Variants in PPME1 observed in about 807,000 individuals in gnomAD.
The protein encoded by PPME1 is testicular secretory protein Li 39.
A neutral mutation model predicts 56.9 loss-of-function variants in PPME1; 17 were observed. That is an observed-to-expected ratio of 0.30 (90% CI 0.20 to 0.45). PPME1 has a LOEUF of 0.45. Among genes scored for constraint, PPME1 ranks in the 20% least tolerant of loss-of-function variants. The pLI is 1.00. For synonymous variants in PPME1, 122 were observed against 156.2 expected (o/e 0.78, Z 1.63); for missense variants, 357 against 483.2 (o/e 0.74, Z 2.45).
chr11:74,248,272 C>T (rs1191749325), intron 11 of PPME1: 8 of 152,208 alleles, frequency 5.3e-5, no homozygotes, highest in South Asian at 2.1e-4. Flanking sequence ...CTGTTCTAGA[C>T]CTTTCTTCCC....
rs200531037 is a variant in PPME1, at chr11:74,253,493, G to A, written c.1144G>A (p.Val382Met). ...FAEPIGGFQCVFPGC is the reference protein window; with the variant it reads ...FAEPIGGFQCMFPGC ...CCTTCTCTTTCTGTTCTTCCACAGT[G>A]TGTTTCCTGGCTGTTAGTGACCTGC... The change falls in exon 14 of 14, where the codon GTG (valine) becomes ATG (methionine). Residue 382 changes from valine (V) to methionine (M), a missense_variant and splice_region_variant. By Grantham distance (21) the Val-to-Met change is conservative (BLOSUM62 1). Around this residue, in one of 2 missense-constraint regions of PPME1, gnomAD observed 182 missense variants for 293.8 expected, o/e 0.62. Transcript: ENST00000328257. 27 of 1,607,626 alleles carry A rather than the reference G, an allele frequency of 1.7e-5. No homozygotes were observed. In the African/African-American group the frequency reaches 3.3e-4, roughly 20 times the overall value.
At chr11:74,185,140 C>T (rs1395145549) in intron 1 of PPME1, among the ~76,000 whole-genome samples, 2 of 151,846 alleles carry the variant, frequency 1.3e-5, no homozygotes, top group African/African-American at 2.4e-5. Flanking sequence ...GCTGGGATTA[C>T]AGGCACATGT....
intron 3 of PPME1, chr11:74,206,055 A>T (rs1858319325): frequency 6.6e-6 from 1 of 152,240 alleles, no homozygotes; most frequent in Non-Finnish European, 1.5e-5. Flanking sequence ...CTGTAAATTT[A>T]AAAATTTTAT....
chr11:74,189,290 C>CTTAT (rs1289149441), intron 1 of PPME1, among the ~76,000 whole-genome samples: 1 of 151,902 alleles, frequency 6.6e-6, no homozygotes, highest in Non-Finnish European at 1.5e-5. Flanking sequence ...TATTGCTTTA[C>CTTAT]TTATTTATTT....
intron 3 of PPME1, among the ~76,000 whole-genome samples, chr11:74,221,276 A>G (rs1858795007): frequency 6.6e-6 from 1 of 152,124 alleles, no homozygotes; most frequent in African/African-American, 2.4e-5. Context: ...TGTTTTTGTC[A>G]TTGAAGGCTT....
intron 7 of PPME1, among the ~76,000 whole-genome samples, chr11:74,232,666 T>C (rs1378996149): frequency 1.3e-5 from 2 of 151,480 alleles, no homozygotes; most frequent in African/African-American, 4.9e-5. Flanking sequence ...ATCCAACTTT[T>C]ATCCAAACTT....
intron 8 of PPME1, chr11:74,238,485 T>G (rs1369136812): frequency 6.6e-6 from 1 of 152,218 alleles, no homozygotes; most frequent in Admixed American, 6.5e-5. Context: ...TGGGATTTTT[T>G]TACCTTCAGA....
At chr11:74,176,721 CT>C (rs780832040) in intron 1 of PPME1, among the ~76,000 whole-genome samples, 3,344 of 102,220 alleles carry the variant, frequency 0.033, 31 homozygotes, top group African/African-American at 0.1. Context: ...GTGTAGTGTC[CT>C]TTTTTTTTTT....
rs2135690509 is a variant in PPME1 at position 74,254,406 on chromosome 11, C to T, written c.*896C>T. Reference sequence around the variant, plus strand: ...TCTTTGCCATTTGTGGATTTCACATCACTCCACACAGAAACATTACAGCCT... The same window carrying T: ...TCTTTGCCATTTGTGGATTTCACATTACTCCACACAGAAACATTACAGCCT... On this transcript the variant is annotated 3_prime_UTR_variant, in exon 14 of 14. Transcript: ENST00000328257. 1.3e-5 allele frequency: 2 copies of T among 153,004 alleles called. No homozygotes were observed. Among genetic ancestry groups the T allele is most frequent in the South Asian group, 4.1e-4 (2 of 4,830 alleles). 9.5% of individuals were successfully genotyped at this position (153,004 alleles called of 1,614,324 possible). A position where few individuals can be genotyped will look rare whatever the true frequency, so the allele number is the denominator to read the frequency against.
intron 1 of PPME1, among the ~76,000 whole-genome samples, chr11:74,193,439 G>C (rs910745013): frequency 6.6e-6 from 1 of 152,184 alleles, no homozygotes; most frequent in Non-Finnish European, 1.5e-5. Flanking sequence ...CCATCTCCAG[G>C]ATATCTCATT....
At chr11:74,229,262 T>C (rs540490644) in intron 5 of PPME1, among the ~76,000 whole-genome samples, 51 of 152,234 alleles carry the variant, frequency 3.4e-4, no homozygotes, top group African/African-American at 1.2e-3. Flanking sequence ...GCAGTGACAC[T>C]CAACAAGACA....
chr11:74,242,142 T>G (rs1227192677), intron 9 of PPME1, among the ~76,000 whole-genome samples: 1 of 152,230 alleles, frequency 6.6e-6, no homozygotes, highest in African/African-American at 2.4e-5. Flanking sequence ...AGTTAATGTT[T>G]GTGTATGATA....
At chr11:74,231,236 T>A (rs2135662685) in intron 7 of PPME1, among the ~76,000 whole-genome samples, 1 of 152,282 alleles carries the variant, frequency 6.6e-6, no homozygotes, top group Admixed American at 6.5e-5. Flanking sequence ...TTTTAAATTT[T>A]TTGTAGAAAC....
intron 1 of PPME1, among the ~76,000 whole-genome samples, chr11:74,185,708 T>C (rs942676501): frequency 1.3e-5 from 2 of 151,994 alleles, no homozygotes; most frequent in African/African-American, 4.8e-5. Flanking sequence ...AATTATGTTG[T>C]TTTCCTGTTG....
chr11:74,205,460 C>T (rs1858303018), intron 3 of PPME1: 1 of 152,180 alleles, frequency 6.6e-6, no homozygotes. Flanking sequence ...CCTCTATTTA[C>T]CACTAGAGAG....
At chr11:74,193,106 G>A (rs548806951) in intron 1 of PPME1, among the ~76,000 whole-genome samples, 1 of 152,240 alleles carries the variant, frequency 6.6e-6, no homozygotes, top group Admixed American at 6.5e-5. Flanking sequence ...TGTGCTGGTT[G>A]GTTACCCTGA....
chr11:74,175,234 G>T (rs1326218204), intron 1 of PPME1, among the ~76,000 whole-genome samples: 1 of 152,164 alleles, frequency 6.6e-6, no homozygotes, highest in African/African-American at 2.4e-5. Flanking sequence ...CAGGTGTGGT[G>T]GCTCATGCCT....
intron 7 of PPME1, among the ~76,000 whole-genome samples, chr11:74,234,973 A>T (rs950860853): frequency 2.0e-5 from 3 of 152,216 alleles, no homozygotes; most frequent in African/African-American, 7.2e-5. Flanking sequence ...TTAAACAGGC[A>T]TCAAGGCAGA....
intron 4 of PPME1, 56 bp from the exon 5 acceptor site, chr11:74,225,149 C>T: frequency 8.3e-7 from 1 of 1,199,096 alleles, no homozygotes; most frequent in South Asian, 1.4e-5. Flanking sequence ...GAGAATACTT[C>T]TGCTTTTATA....
Sources: allele counts gnomAD v4.1 joint callset (sites outside exome capture counted in the v4.1 genomes callset), GRCh38; gene constraint gnomAD v4.1.1; regional missense constraint gnomAD v4.1.1; transcripts MANE v1.5; gene names NCBI Gene and HGNC (gene_info 2026-07-23, HGNC 2026-07-21).